ARID2: variants seen among roughly 807,000 people sequenced by gnomAD.
ARID2 encodes AT-rich interaction domain 2.
ARID2 carries 32 observed loss-of-function variants against 184.6 expected under a neutral mutation model. The ratio of observed to expected loss-of-function variants is 0.17; its 90% CI spans 0.13 to 0.23. The LOEUF is 0.23. Among genes scored for constraint, ARID2 ranks in the 10% least tolerant of loss-of-function variants. The pLI is 1.00. For synonymous variants in ARID2, 836 were observed against 772.6 expected (o/e 1.08, Z -1.36); for missense variants, 1,696 against 2,197.6 (o/e 0.77, Z 4.56).
At position 45,850,512 on chromosome 12, in the gene ARID2, C is replaced by T. The variant is rs2138162634; in HGVS notation, c.2389C>T (p.Pro797Ser). 5 of 1,613,998 alleles carry T rather than the reference C, an allele frequency of 3.1e-6. No individual in the cohort carries two copies. In the South Asian group the frequency reaches 4.4e-5, roughly 14 times the overall value. ...TGTTACAGTAATTCAACAAGCTGTC[C>T]CACAGAGTCATATGTTTGGCAGAGT... Reference protein sequence around the residue: ...TPVTVIQQAVPQSHMFGRVQN... With the variant: ...TPVTVIQQAVSQSHMFGRVQN... The change falls in exon 15 of 21, where the codon CCA becomes TCA. Residue 797 changes from proline to serine, a missense_variant. Pro to Ser is a moderately conservative substitution (Grantham distance 74, BLOSUM62 -1). Coordinates refer to ENST00000334344, the MANE Select transcript of ARID2 (RefSeq NM_152641.4).
intron 3 of ARID2, among the ~76,000 whole-genome samples, chr12:45,753,253 G>C (rs1592055451): frequency 6.6e-6 from 1 of 151,846 alleles, no homozygotes; most frequent in African/African-American, 2.4e-5. Context: ...CTAAGATTGT[G>C]CCAGTGCACT....
chr12:45,736,242 A>G (rs981653135), intron 3 of ARID2, among the ~76,000 whole-genome samples: 1 of 152,148 alleles, frequency 6.6e-6, no homozygotes, highest in Non-Finnish European at 1.5e-5. Flanking sequence ...CTGTAGTCCC[A>G]GCTACTCGGG....
intron 3 of ARID2, among the ~76,000 whole-genome samples, chr12:45,806,700 A>T (rs1214598172): frequency 6.6e-6 from 1 of 152,038 alleles, no homozygotes; most frequent in Non-Finnish European, 1.5e-5. Flanking sequence ...GAGAAACTTT[A>T]TTATTTTTAT....
intron 3 of ARID2, among the ~76,000 whole-genome samples, chr12:45,761,280 C>T (rs1941674129): frequency 1.3e-5 from 2 of 152,156 alleles, no homozygotes; most frequent in South Asian, 2.1e-4. Context: ...CTTATGAATA[C>T]ACTTGTTTTA....
In ARID2 at chr12:45,817,764, T is replaced by C. The variant is rs940745206; in HGVS notation, c.513T>C (p.Asn171=). 101 of 1,613,180 alleles carry C rather than the reference T, an allele frequency of 6.3e-5. 1 individual carries two copies. The Admixed American group carries it at 1.6e-3, about 25-fold the overall frequency. Residue 171 remains asparagine, a synonymous_variant, in exon 5 of 21, where the codon AAT becomes AAC. Transcript: ENST00000334344. ...LVLSLLSGLP[N]EVDFAINVCT... ...TTTCACTGTTATCTGGACTCCCAAATGAAGTGGACTTTGCTATTAACGTAT... is the reference window on the plus strand; with the variant it reads ...TTTCACTGTTATCTGGACTCCCAAACGAAGTGGACTTTGCTATTAACGTAT...
intron 3 of ARID2, among the ~76,000 whole-genome samples, chr12:45,776,685 C>G (rs1011883415): frequency 3.3e-5 from 5 of 151,342 alleles, no homozygotes; most frequent in African/African-American, 9.7e-5. Context: ...CATGGTGGAT[C>G]ATGCCTATAA....
At chr12:45,793,570 T>C (rs1236533110) in intron 3 of ARID2, among the ~76,000 whole-genome samples, 13 of 151,684 alleles carry the variant, frequency 8.6e-5, no homozygotes, top group Admixed American at 8.6e-4. Flanking sequence ...TGTGTATATG[T>C]ATTATATATA....
intron 3 of ARID2, among the ~76,000 whole-genome samples, chr12:45,777,102 T>C (rs2138032721): frequency 6.6e-6 from 1 of 151,910 alleles, no homozygotes; most frequent in Non-Finnish European, 1.5e-5. Context: ...TCCATCTCTA[T>C]TTTTTAAATA....
intron 6 of ARID2, 125 bp downstream of exon 6, chr12:45,821,612 G>A: frequency 2.1e-6 from 1 of 467,008 alleles, no homozygotes; most frequent in Non-Finnish European, 3.7e-6. Flanking sequence ...TAATACATAT[G>A]CCATACACAA....
At chr12:45,835,127 T>C (rs1039942542) in intron 6 of ARID2, among the ~76,000 whole-genome samples, 1 of 152,202 alleles carries the variant, frequency 6.6e-6, no homozygotes, top group Non-Finnish European at 1.5e-5. Context: ...TCTTGGGTTG[T>C]ATCTAATCAG....
intron 3 of ARID2, chr12:45,755,914 G>T: frequency 6.0e-6 from 1 of 167,616 alleles, no homozygotes. Flanking sequence ...AATACTTTTT[G>T]TTTTTTCTTG....
chr12:45,790,033 A>G (rs1017446346), intron 3 of ARID2, among the ~76,000 whole-genome samples: 2 of 152,216 alleles, frequency 1.3e-5, no homozygotes, highest in Non-Finnish European at 2.9e-5. Flanking sequence ...AATGGAAATG[A>G]TATAAACTTT....
intron 16 of ARID2, among the ~76,000 whole-genome samples, chr12:45,863,217 C>T (rs1372141892): frequency 6.6e-6 from 1 of 152,096 alleles, no homozygotes; most frequent in Non-Finnish European, 1.5e-5. Flanking sequence ...ATAAACCTGT[C>T]AGAATGTTAA....
chr12:45,868,700 C>G (rs1019336675), intron 16 of ARID2, among the ~76,000 whole-genome samples: 1 of 152,118 alleles, frequency 6.6e-6, no homozygotes, highest in Non-Finnish European at 1.5e-5. Flanking sequence ...TTCCAAATGG[C>G]TAACTTATTG....
rs1028546677 is a variant in ARID2 at position 45,740,752 on chromosome 12, T to C, written c.284+9438T>C. On this transcript the variant is annotated intron_variant, in intron 3 of 20. Transcript: ENST00000334344. The stretch of plus-strand genomic sequence containing the variant: ...CCCATTCATTATCTTGTATTGCATG[T>C]AGTTATCATATCTGTAGTTCTTCAG... Among the ~76,000 whole-genome samples the C allele has an allele frequency of 4.6e-5, 7 of 152,324 alleles. No individual in the cohort carries two copies. The South Asian group carries it at 6.2e-4, about 14-fold the overall frequency.
chr12:45,755,400 A>T (rs986892495), intron 3 of ARID2, among the ~76,000 whole-genome samples: 5 of 152,212 alleles, frequency 3.3e-5, no homozygotes, highest in African/African-American at 1.2e-4. Flanking sequence ...ATTTTTATAG[A>T]ATATTAAGAT....
In ARID2 at chr12:45,729,714, A is replaced by T; in HGVS notation, c.-123A>T. ...CCGCCGCCGCCGCCACCGCCGGCCC[A>T]TGACTGAGCCCCGCCGCCGCCGGCC... On this transcript the variant is annotated 5_prime_UTR_variant, in exon 1 of 21. An upstream start codon of the reference 5' UTR is lost. Coordinates refer to ENST00000334344, the MANE Select transcript of ARID2 (RefSeq NM_152641.4). 1 of 730,260 alleles carries T rather than the reference A, an allele frequency of 1.4e-6. No individual in the cohort carries two copies. 45.2% of individuals were successfully genotyped at this position (730,260 alleles called of 1,614,324 possible).
In ARID2 at chr12:45,840,559, C is replaced by G. The variant is rs1006449991; in HGVS notation, c.1498+1063C>G. On this transcript the variant is annotated intron_variant, in intron 11 of 20. Coordinates refer to ENST00000334344, the MANE Select transcript of ARID2 (RefSeq NM_152641.4). ...CTTTCAGCTAGAAATGCGTTTAGGT[C>G]TCTTATCCTCCCTCGCTAGCCCCAA... is the stretch of plus-strand genomic sequence containing the variant. 5.4e-4 allele frequency: 82 copies of G among 152,132 alleles called. 2 individuals carry two copies. Among genetic ancestry groups the G allele is most frequent in the Non-Finnish European group, 4.4e-5 (3 of 68,014 alleles). 9.4% of individuals were successfully genotyped at this position (152,132 alleles called of 1,614,324 possible).
intron 3 of ARID2, among the ~76,000 whole-genome samples, chr12:45,803,251 A>G (rs898886532): frequency 1.1e-4 from 17 of 151,850 alleles, no homozygotes; most frequent in Non-Finnish European, 2.1e-4. Context: ...CTATATAGAA[A>G]CCTCCCACAC....
Sources: allele counts gnomAD v4.1 joint callset (sites outside exome capture counted in the v4.1 genomes callset), GRCh38; gene constraint gnomAD v4.1.1; transcripts MANE v1.5; gene names NCBI Gene and HGNC (gene_info 2026-07-23, HGNC 2026-07-21).